DRC1: variants seen among roughly 807,000 people sequenced by gnomAD.
DRC1 encodes dynein regulatory complex protein 1.
DRC1 carries 74 observed loss-of-function variants against 98.7 expected under a neutral mutation model. That is an observed-to-expected ratio of 0.75 (90% CI 0.62 to 0.91). The LOEUF is 0.91. Ranked by LOEUF, DRC1 falls within the 40% of genes least tolerant of loss-of-function variation. The probability of loss-of-function intolerance (pLI) is 0.00; values close to 1 mark genes in which losing one functional copy is unlikely to be tolerated. For missense variants in DRC1, 875 were observed against 886.0 expected, an observed-to-expected ratio of 0.99 and a Z score of 0.16; for synonymous variants, 336 against 334.1, an observed-to-expected ratio of 1.01 and a Z score of -0.06.
At chr2:26,429,860 A>T (rs1663388282) in intron 5 of DRC1, 95 bp downstream of exon 5, 1 of 1,338,916 alleles carries the variant, frequency 7.5e-7, no homozygotes, top group Non-Finnish European at 1.0e-6. Context: ...GCCCTACATG[A>T]CTTCTCTGTC....
At chr2:26,444,178 A>G (rs377027994) in intron 8 of DRC1, 44 bp from the exon 9 acceptor site, 63 of 1,612,462 alleles carry the variant, frequency 3.9e-5, no homozygotes, top group Non-Finnish European at 5.3e-5. Context: ...CATACATAAT[A>G]CCTTCTATTC....
chr2:26,412,879 T>C (rs1046900336), intron 1 of DRC1, among the ~76,000 whole-genome samples: 32 of 152,192 alleles, frequency 2.1e-4, no homozygotes, highest in African/African-American at 7.5e-4. Flanking sequence ...GCCTCCCGGG[T>C]TCACGCCATT....
intron 8 of DRC1, among the ~76,000 whole-genome samples, chr2:26,442,002 G>A (rs1392078562): frequency 6.6e-6 from 1 of 152,200 alleles, no homozygotes; most frequent in African/African-American, 2.4e-5. Context: ...AAAGGCAAAA[G>A]TTTATTTCTC....
intron 1 of DRC1, among the ~76,000 whole-genome samples, chr2:26,408,460 C>T (rs962784491): frequency 2.0e-5 from 3 of 152,032 alleles, no homozygotes; most frequent in Admixed American, 6.6e-5. Flanking sequence ...TCCGACCAGC[C>T]CCAAAAGAAG....
chr2:26,418,569 A>T (rs1327326262), intron 2 of DRC1, among the ~76,000 whole-genome samples: 6 of 107,588 alleles, frequency 5.6e-5, no homozygotes, highest in Admixed American at 1.3e-4. Context: ...TATATATAAT[A>T]TATATTATAT....
chr2:26,442,058 A>G (rs1393371414), intron 8 of DRC1, among the ~76,000 whole-genome samples: 1 of 152,198 alleles, frequency 6.6e-6, no homozygotes, highest in African/African-American at 2.4e-5. Flanking sequence ...TGGCAGGTTT[A>G]GTTTCTAGTG....
chr2:26,411,123 C>T (rs1678594614), intron 1 of DRC1, among the ~76,000 whole-genome samples: 1 of 152,180 alleles, frequency 6.6e-6, no homozygotes, highest in African/African-American at 2.4e-5. Context: ...CAAAAGAGGA[C>T]TCAGCCCCCA....
intron 1 of DRC1, among the ~76,000 whole-genome samples, chr2:26,408,924 T>G (rs933997292): frequency 6.6e-6 from 1 of 152,002 alleles, no homozygotes; most frequent in Non-Finnish European, 1.5e-5. Context: ...AAAATTTATT[T>G]TTATTATTTA....
At chr2:26,413,646 C>T (rs1178972752) in intron 1 of DRC1, among the ~76,000 whole-genome samples, 2 of 152,126 alleles carry the variant, frequency 1.3e-5, no homozygotes, top group African/African-American at 4.8e-5. Flanking sequence ...TGTTCATATC[C>T]TCTGCCAGTT....
At chr2:26,430,958 C>CATTT in intron 6 of DRC1, 86 bp downstream of exon 6, 1 of 344,494 alleles carries the variant, frequency 2.9e-6, no homozygotes, top group Non-Finnish European at 4.6e-6. Context: ...CTTTTTCTAT[C>CATTT]TTTTTTTTTT....
rs575501445 is a variant in DRC1, at chr2:26,444,541, G to A, written c.1164-175G>A. Among the ~76,000 whole-genome samples, 479 of 152,326 alleles carry A rather than the reference G, an allele frequency of 3.1e-3. 4 individuals carry two copies. Among genetic ancestry groups the A allele is most frequent in the Middle Eastern group, 6.8e-3 (2 of 294 alleles). The stretch of plus-strand genomic sequence containing the variant: ...ACTTGCGTGTCACCTGCCTTTTCTT[G>A]AGATGTGTTGGGATGGCTTCCAGTT... On this transcript the variant is annotated intron_variant, in intron 9 of 16. Coordinates refer to ENST00000288710, the MANE Select transcript of DRC1 (RefSeq NM_145038.5).
Position 26,456,523 on chromosome 2 carries a change from A to G in DRC1, c.*6A>G, listed in dbSNP as rs1245770570. On this transcript the variant is annotated 3_prime_UTR_variant, in exon 17 of 17. Coordinates refer to ENST00000288710, the MANE Select transcript of DRC1 (RefSeq NM_145038.5). Reference sequence around the variant, plus strand: ...TGCGGGTACCCACAAAATGAGCTGGACCGCCAAAGGCTGATGTGTTAGGGC... The same window carrying G: ...TGCGGGTACCCACAAAATGAGCTGGGCCGCCAAAGGCTGATGTGTTAGGGC... 6 of 1,614,114 alleles carry G rather than the reference A, an allele frequency of 3.7e-6. No individual in the cohort carries two copies. The highest frequency in any genetic ancestry group is 5.1e-6 in the Non-Finnish European group (6 of 1,179,968).
intron 15 of DRC1, 23 bp from the exon 16 acceptor site, chr2:26,455,108 C>T: frequency 6.2e-7 from 1 of 1,613,752 alleles, no homozygotes; most frequent in South Asian, 1.1e-5. Context: ...CAGTGAGCCT[C>T]TAACCGATTT....
chr2:26,431,867 T>C lies in DRC1; in HGVS notation c.766-17T>C. 2 of 1,613,228 alleles carry C rather than the reference T, an allele frequency of 1.2e-6. No individual in the cohort carries two copies. Among genetic ancestry groups the C allele is most frequent in the South Asian group, 1.1e-5 (1 of 91,034 alleles). ...AGGATGGTCCCTAACTTTTCCCTTG[T>C]CTTCCTGTGCCTTTAGCTGGAGTAT... On this transcript the variant is annotated splice_polypyrimidine_tract_variant and intron_variant, in intron 6 of 16. Coordinates refer to ENST00000288710, the MANE Select transcript of DRC1 (RefSeq NM_145038.5).
At chr2:26,418,834 G>A (rs1678943912) in intron 2 of DRC1, among the ~76,000 whole-genome samples, 1 of 129,520 alleles carries the variant, frequency 7.7e-6, no homozygotes. Flanking sequence ...ATAATATATA[G>A]TATATATAAA....
At chr2:26,435,607 G>C (rs888287129) in intron 7 of DRC1, among the ~76,000 whole-genome samples, 10 of 152,104 alleles carry the variant, frequency 6.6e-5, no homozygotes, top group Admixed American at 1.3e-4. Context: ...AGTGTCTACT[G>C]TTCCCCTCTT....
intron 1 of DRC1, among the ~76,000 whole-genome samples, chr2:26,410,082 A>C (rs1678552592): frequency 6.6e-6 from 1 of 151,824 alleles, no homozygotes; most frequent in Non-Finnish European, 1.5e-5. Flanking sequence ...CCACGAAACA[A>C]GAATAGAATG....
At chr2:26,451,519 A>C (rs1018554550) in intron 13 of DRC1, among the ~76,000 whole-genome samples, 1 of 152,232 alleles carries the variant, frequency 6.6e-6, no homozygotes, top group Non-Finnish European at 1.5e-5. Flanking sequence ...GCCTGTAAAA[A>C]GAGTTGGCTG....
chr2:26,441,145 G>C (rs1663707600), intron 8 of DRC1, among the ~76,000 whole-genome samples: 1 of 151,988 alleles, frequency 6.6e-6, no homozygotes, highest in African/African-American at 2.4e-5. Flanking sequence ...TATCCTTCCT[G>C]CCTTTCTTCC....
Sources: gnomAD v4.1 joint callset for allele counts (sites outside exome capture counted in the v4.1 genomes callset) on GRCh38, gnomAD v4.1.1 for gene constraint, MANE v1.5 for transcripts, NCBI Gene and HGNC (gene_info 2026-07-23, HGNC 2026-07-21) for gene names.